The following CCSER1 variants were observed in gnomAD, a reference collection of about 807,000 sequenced individuals.
The protein encoded by CCSER1 is coiled-coil serine rich protein 1, also known as serine-rich coiled-coil domain-containing protein 1.
Under a neutral mutation model 82.0 loss-of-function variants are expected in CCSER1, and 41 were observed. The observed-to-expected ratio is 0.50, with a 90% CI of 0.39 to 0.65. The LOEUF is 0.65. Ranked by LOEUF, CCSER1 falls within the 30% of genes least tolerant of loss-of-function variation. CCSER1 has a pLI of 0.00. For missense variants in CCSER1, 1,119 were observed against 1,064.2 expected (o/e 1.05, Z -0.72); for synonymous variants, 414 against 383.9 (o/e 1.08, Z -0.92).
chr4:91,432,731 A>AGGATT (rs1754403224), intron 10 of CCSER1, among the ~76,000 whole-genome samples: 1 of 152,104 alleles, frequency 6.6e-6, no homozygotes, highest in Non-Finnish European at 1.5e-5. Context: ...GTATTGTGTT[A>AGGATT]CTGATTTTTA....
chr4:90,153,036 TC>T (rs995110171), intron 1 of CCSER1, among the ~76,000 whole-genome samples: 6 of 57,792 alleles, frequency 1.0e-4, no homozygotes, highest in Non-Finnish European at 1.6e-4. Flanking sequence ...CCCTCCCCCC[TC>T]CCCCCACCCC....
At chr4:91,059,455 T>TTTTA (rs1425217035) in intron 9 of CCSER1, among the ~76,000 whole-genome samples, 2 of 145,788 alleles carry the variant, frequency 1.4e-5, no homozygotes, top group African/African-American at 5.0e-5. Context: ...TTTATTAAGG[T>TTTTA]TATATATATA....
Position 91,601,261 on chromosome 4 carries a change from G to T in CCSER1, c.*2204G>T, listed in dbSNP as rs1296925710. The T allele has an allele frequency of 1.3e-5, 2 of 151,988 alleles. No homozygotes were observed. Among genetic ancestry groups the T allele is most frequent in the Non-Finnish European group, 2.9e-5 (2 of 67,938 alleles). 9.4% of individuals were successfully genotyped at this position (151,988 alleles called of 1,614,324 possible). ...AGACATTTTAAGAGATGTTTTAAACGCTAGTATTTTCTTGAAAAATCTTTT... is the reference window on the plus strand; with the variant it reads ...AGACATTTTAAGAGATGTTTTAAACTCTAGTATTTTCTTGAAAAATCTTTT... On this transcript the variant is annotated 3_prime_UTR_variant, in exon 11 of 11. Transcript: ENST00000509176.
intron 1 of CCSER1, among the ~76,000 whole-genome samples, chr4:90,229,668 A>G (rs1744033338): frequency 6.6e-6 from 1 of 152,236 alleles, no homozygotes; most frequent in South Asian, 2.1e-4. Flanking sequence ...TAAAAGACAC[A>G]GACTGGCAAA....
intron 10 of CCSER1, among the ~76,000 whole-genome samples, chr4:91,426,808 TA>T (rs528787775): frequency 1.1e-3 from 160 of 152,248 alleles, no homozygotes; most frequent in Non-Finnish European, 1.8e-3. Context: ...TAAATTTATA[TA>T]AAAAAATGAT....
At chr4:91,084,417 A>G (rs1382760985) in intron 9 of CCSER1, among the ~76,000 whole-genome samples, 1 of 152,158 alleles carries the variant, frequency 6.6e-6, no homozygotes, top group African/African-American at 2.4e-5. Context: ...TATATTTATT[A>G]TCATTTTTCA....
intron 1 of CCSER1, among the ~76,000 whole-genome samples, chr4:90,189,576 A>G (rs1735244292): frequency 6.6e-6 from 1 of 151,896 alleles, no homozygotes; most frequent in Non-Finnish European, 1.5e-5. Context: ...ATATACATAT[A>G]TATACCATAG....
intron 7 of CCSER1, among the ~76,000 whole-genome samples, chr4:90,756,722 G>A (rs1053886022): frequency 7.2e-5 from 11 of 152,124 alleles, no homozygotes; most frequent in African/African-American, 1.7e-4. Flanking sequence ...ATGACAAATT[G>A]TGAATTACCA....
rs141887300 is a variant in CCSER1 at position 90,382,729 on chromosome 4, T to G, written c.1510-17307T>G. On this transcript the variant is annotated intron_variant, in intron 3 of 10. Transcript: ENST00000509176. ...CAAAGTACAGTAATAGAAAAATGAT[T>G]CAGTAAGTGTAATTCTATTACTTTC... Among the ~76,000 whole-genome samples the G allele has an allele frequency of 1.5e-4, 23 of 152,230 alleles. No homozygotes were observed. The East Asian group carries it at 4.4e-3, about 29-fold the overall frequency.
In CCSER1 at chr4:90,933,012, GAAAGAAAGAA is replaced by G. The variant is rs1730317523; in HGVS notation, c.2172+9567_2172+9576del. 7.6e-5 allele frequency among the ~76,000 whole-genome samples: 6 copies of G among 78,452 alleles called. 1 individual carries two copies. Among genetic ancestry groups the G allele is most frequent in the African/African-American group, 5.6e-4 (6 of 10,694 alleles). 51.5% of individuals were successfully genotyped at this position (78,452 alleles called of 152,430 possible). A position where few individuals can be genotyped will look rare whatever the true frequency, so the allele number is the denominator to read the frequency against. ...AGAAAGAAAGAAAGAAAGAAAGAAA[GAAAGAAAGAA>G]AGAAAGAAAGAAAGAAAGAAAGAGA... is the stretch of plus-strand genomic sequence containing the variant. On this transcript the variant is annotated intron_variant, in intron 9 of 10. Coordinates refer to ENST00000509176, the MANE Select transcript of CCSER1 (RefSeq NM_001145065.2).
At chr4:90,835,175 C>G (rs140824745) in intron 8 of CCSER1, among the ~76,000 whole-genome samples, 2,346 of 152,012 alleles carry the variant, frequency 0.015, 71 homozygotes, top group African/African-American at 0.054. Flanking sequence ...ACTAAAAATA[C>G]AAAAAATTAG....
At chr4:90,836,941 G>A (rs1761877986) in intron 8 of CCSER1, among the ~76,000 whole-genome samples, 1 of 152,180 alleles carries the variant, frequency 6.6e-6, no homozygotes, top group Non-Finnish European at 1.5e-5. Context: ...TGTGGCATTT[G>A]CAATGATCAG....
Position 90,987,016 on chromosome 4 carries a change from A to G in CCSER1, c.2172+63569A>G, listed in dbSNP as rs541057966. ...GGTCATAAGTGAAGTCTAGGGAGGG[A>G]TTGATCAGAATTTGTAAATTAGGTC... On this transcript the variant is annotated intron_variant, in intron 9 of 10. Transcript: ENST00000509176. 2.6e-5 allele frequency among the ~76,000 whole-genome samples: 4 copies of G among 151,684 alleles called. No individual in the cohort carries two copies. The South Asian group carries it at 8.3e-4, about 31-fold the overall frequency.
At position 90,138,287 on chromosome 4, in the gene CCSER1, G is replaced by C. The variant is rs181900967; in HGVS notation, c.-42+10456G>C. ...TCTCAATACAGCCTCAAACTCCTGG[G>C]ATCAAGTGATCCTCTCACTTATGCC... On this transcript the variant is annotated intron_variant, in intron 1 of 10. Coordinates refer to ENST00000509176, the MANE Select transcript of CCSER1 (RefSeq NM_001145065.2). Among the ~76,000 whole-genome samples the C allele has an allele frequency of 4.3e-4, 66 of 152,222 alleles. No individual in the cohort carries two copies. The East Asian group carries it at 0.012, about 29-fold the overall frequency.
chr4:90,709,156 A>C (rs1264440943), intron 6 of CCSER1, among the ~76,000 whole-genome samples: 3 of 152,190 alleles, frequency 2.0e-5, no homozygotes, highest in Non-Finnish European at 4.4e-5. Context: ...AAACTTAAGA[A>C]AAATATTTGA....
chr4:90,252,721 T>A (rs1407450021), intron 1 of CCSER1, among the ~76,000 whole-genome samples: 1 of 151,924 alleles, frequency 6.6e-6, no homozygotes, highest in Non-Finnish European at 1.5e-5. Flanking sequence ...ACTAGGCCAA[T>A]TTTCCAAATT....
At chr4:91,571,280 G>C (rs1384890316) in intron 10 of CCSER1, among the ~76,000 whole-genome samples, 1 of 152,132 alleles carries the variant, frequency 6.6e-6, no homozygotes, top group African/African-American at 2.4e-5. Context: ...TCTCCAAACT[G>C]TTCCAACCTC....
intron 7 of CCSER1, among the ~76,000 whole-genome samples, chr4:90,769,356 G>A (rs891051081): frequency 1.2e-4 from 19 of 152,232 alleles, no homozygotes; most frequent in Admixed American, 1.2e-3. Flanking sequence ...AGAAGAAACC[G>A]TTTGGGCTCT....
chr4:90,989,563 C>G (rs1370659303), intron 9 of CCSER1, among the ~76,000 whole-genome samples: 1 of 151,638 alleles, frequency 6.6e-6, no homozygotes, highest in Non-Finnish European at 1.5e-5. Context: ...GGGATTTCTA[C>G]TGTAAGGGTA....
Sources: gnomAD v4.1 joint callset for allele counts (sites outside exome capture counted in the v4.1 genomes callset) on GRCh38, gnomAD v4.1.1 for gene constraint, MANE v1.5 for transcripts, NCBI Gene and HGNC (gene_info 2026-07-23, HGNC 2026-07-21) for gene names.